The following GRXCR2 variants were observed in gnomAD, a reference collection of about 807,000 sequenced individuals.
The protein encoded by GRXCR2 is glutaredoxin and cysteine rich domain containing 2, also known as glutaredoxin domain-containing cysteine-rich protein 2.
In GRXCR2, 23 loss-of-function variants were observed where a neutral mutation model predicts 24.8. The observed-to-expected ratio is 0.93, with a 90% CI of 0.67 to 1.32. The LOEUF (loss-of-function observed/expected upper bound fraction) is 1.32. GRXCR2 is among the 40% of genes most tolerant of loss of function. The probability of loss-of-function intolerance (pLI) is 0.00; values close to 1 mark genes in which losing one functional copy is unlikely to be tolerated. For missense variants in GRXCR2, 315 were observed against 303.4 expected (o/e 1.04, Z -0.28); for synonymous variants, 130 against 116.1 (o/e 1.12, Z -0.77).
At chr5:145,876,870 A>G (rs1300827041), upstream of GRXCR2, among the ~76,000 whole-genome samples, 1 of 152,204 alleles carries the variant, frequency 6.6e-6, no homozygotes, top group Non-Finnish European at 1.5e-5. Context: ...GTATTATCAA[A>G]AGCCTTAAAA....
At chr5:145,862,842 TTAA>T (rs1313085287) in intron 2 of GRXCR2, among the ~76,000 whole-genome samples, 4 of 152,220 alleles carry the variant, frequency 2.6e-5, no homozygotes, top group African/African-American at 7.2e-5. Context: ...AATGTGACTA[TTAA>T]TAATATCTAC....
intron 2 of GRXCR2, among the ~76,000 whole-genome samples, chr5:145,903,314 G>A (rs1448910014): frequency 6.6e-6 from 1 of 152,156 alleles, no homozygotes; most frequent in African/African-American, 2.4e-5. Flanking sequence ...CCTGCTAGTG[G>A]CTGAAGACAG....
chr5:145,869,704 C>T (rs529923307), intron 1 of GRXCR2, among the ~76,000 whole-genome samples: 11 of 152,138 alleles, frequency 7.2e-5, no homozygotes, highest in African/African-American at 2.2e-4. Flanking sequence ...ACTACAGGCG[C>T]CCGCCACCAC....
intron 2 of GRXCR2, among the ~76,000 whole-genome samples, chr5:145,916,067 G>A (rs1398846989): frequency 6.6e-6 from 1 of 152,188 alleles, no homozygotes; most frequent in Non-Finnish European, 1.5e-5. Context: ...GCTCTGCAGA[G>A]AATTCAAAGA....
chr5:145,880,537 A>T (rs1331501367), intron 2 of GRXCR2, among the ~76,000 whole-genome samples: 1 of 152,212 alleles, frequency 6.6e-6, no homozygotes, highest in Non-Finnish European at 1.5e-5. Context: ...TGAGGCAATA[A>T]TTAATAGCCT....
In GRXCR2 at chr5:145,893,352, G is replaced by A. The variant is rs182881018; in HGVS notation, c.-69-26624C>T. Among the ~76,000 whole-genome samples, 102 of 152,218 alleles carry A rather than the reference G, an allele frequency of 6.7e-4. No individual in the cohort carries two copies. The East Asian group carries it at 0.016, about 24-fold the overall frequency. On this transcript the variant is annotated intron_variant, in intron 2 of 3. Coordinates refer to the GRXCR2 transcript ENST00000639411. ...CACAGAATGGCAAATCGGATAAAGA[G>A]TCAAGACCCATCAGTGTGTTGTATT...
At chr5:145,875,820 C>T (rs1756603816), upstream of GRXCR2, among the ~76,000 whole-genome samples, 1 of 152,100 alleles carries the variant, frequency 6.6e-6, no homozygotes, top group African/African-American at 2.4e-5. Context: ...CTCATGGCAG[C>T]CAGGTGTCCC....
At chr5:145,922,990 C>T (rs1288164092) in intron 2 of GRXCR2, among the ~76,000 whole-genome samples, 2 of 152,186 alleles carry the variant, frequency 1.3e-5, no homozygotes, top group Non-Finnish European at 2.9e-5. Flanking sequence ...ATAAAATAGA[C>T]AGTTCTCAAA....
At chr5:145,887,447 G>A (rs904954612) in intron 2 of GRXCR2, among the ~76,000 whole-genome samples, 3 of 152,152 alleles carry the variant, frequency 2.0e-5, no homozygotes, top group African/African-American at 7.2e-5. Flanking sequence ...GGACATTATG[G>A]AACTTTGTGG....
intron 2 of GRXCR2, among the ~76,000 whole-genome samples, chr5:145,896,154 T>C (rs563289558): frequency 7.0e-4 from 106 of 152,172 alleles, no homozygotes; most frequent in African/African-American, 2.4e-3. Context: ...AAGACTTAAA[T>C]GTTAGACCTA....
intron 2 of GRXCR2, among the ~76,000 whole-genome samples, chr5:145,863,795 G>C (rs1212850907): frequency 2.6e-5 from 4 of 152,140 alleles, no homozygotes; most frequent in Non-Finnish European, 5.9e-5. Flanking sequence ...CCCAGGCTAG[G>C]TTCTTAATAG....
At chr5:145,920,913 T>C (rs1237068370) in intron 2 of GRXCR2, among the ~76,000 whole-genome samples, 2 of 152,190 alleles carry the variant, frequency 1.3e-5, no homozygotes, top group East Asian at 3.9e-4. Context: ...GGACACAAGG[T>C]AAAGATGCCA....
chr5:145,875,871 G>C (rs1252004428), upstream of GRXCR2, among the ~76,000 whole-genome samples: 2 of 151,950 alleles, frequency 1.3e-5, no homozygotes, highest in Non-Finnish European at 2.9e-5. Context: ...TCACTGTATA[G>C]AACAATATCA....
rs1756557977 is a variant in GRXCR2 at position 145,872,902 on chromosome 5, T to A, written c.67A>T (p.Ile23Phe). The change falls in exon 1 of 3, where the codon ATC becomes TTC. Residue 23 changes from isoleucine to phenylalanine, a missense_variant. By Grantham distance (21) the Ile-to-Phe change is conservative (BLOSUM62 0). Transcript: ENST00000377976. ...DGKPRKVRFK[I>F]SSSYSGRVLK... is the part of the protein sequence containing the mutation. ...ACTCGACCGCTGTAGGAGGAGGAGATTTTAAATCGTACTTTCCGGGGTTTG... is the reference window on the plus strand; with the variant it reads ...ACTCGACCGCTGTAGGAGGAGGAGAATTTAAATCGTACTTTCCGGGGTTTG... 1 of 1,614,114 alleles carries A rather than the reference T, an allele frequency of 6.2e-7. No homozygotes were observed. The highest frequency in any genetic ancestry group is 2.2e-5 in the East Asian group (1 of 44,878).
rs748981520 is a variant in GRXCR2, at chr5:145,866,503, G to A, written c.562C>T (p.Gln188Ter). 5 of 1,611,474 alleles carry A rather than the reference G, an allele frequency of 3.1e-6. No homozygotes were observed. In the Admixed American group the frequency reaches 8.3e-5, roughly 27 times the overall value. Residue 188 changes from glutamine (Q) to a stop codon, truncating the protein, a stop_gained and splice_region_variant, in exon 2 of 3, where the codon CAG becomes TAG. Coordinates refer to ENST00000377976, the MANE Select transcript of GRXCR2 (RefSeq NM_001080516.2). LOFTEE classifies it high-confidence loss of function. ...GACAGTCAAGCTCCCCAACGCACCTGTGTATACCGGTTTTGGGGTAATGTG... is the reference window on the plus strand; with the variant it reads ...GACAGTCAAGCTCCCCAACGCACCTATGTATACCGGTTTTGGGGTAATGTG... ...ESTLPQNRYT[Q>*]EGDIPEDSCF...
At position 145,883,068 on chromosome 5, in the gene GRXCR2, T is replaced by C. The variant is rs537707363; in HGVS notation, c.-69-16340A>G. Among the ~76,000 whole-genome samples the C allele has an allele frequency of 1.6e-3, 248 of 151,310 alleles. 2 individuals are homozygous for C. The highest frequency in any genetic ancestry group is 3.4e-3 in the Admixed American group (52 of 15,218). ...GGATAGCATTAGGAGAGATACCTAG[T>C]GTAAATGACGAGTTAATGGGTGCAG... On this transcript the variant is annotated intron_variant, in intron 2 of 3. Coordinates refer to the GRXCR2 transcript ENST00000639411.
At chr5:145,903,310 A>G (rs1757047770) in intron 2 of GRXCR2, among the ~76,000 whole-genome samples, 1 of 152,192 alleles carries the variant, frequency 6.6e-6, no homozygotes, top group African/African-American at 2.4e-5. Flanking sequence ...GTGTCCTGCT[A>G]GTGGCTGAAG....
chr5:145,889,172 A>AAAAAAAAGAAAGAAAG (rs757883920), intron 2 of GRXCR2, among the ~76,000 whole-genome samples: 21 of 84,042 alleles, frequency 2.5e-4, no homozygotes, highest in African/African-American at 8.4e-4. Flanking sequence ...CTGTCTCAAA[A>AAAAAAAAGAAAGAAAG]AAAGAAAGAA....
chr5:145,877,282 G>A (rs983138418), upstream of GRXCR2, among the ~76,000 whole-genome samples: 2 of 151,220 alleles, frequency 1.3e-5, no homozygotes, highest in African/African-American at 4.9e-5. Flanking sequence ...CAAAAAAAAG[G>A]AGAGGAGACA....
Sources: gnomAD v4.1 joint callset for allele counts (sites outside exome capture counted in the v4.1 genomes callset) on GRCh38, gnomAD v4.1.1 for gene constraint, MANE v1.5 for transcripts, NCBI Gene and HGNC (gene_info 2026-07-23, HGNC 2026-07-21) for gene names.